CLDN10: variants seen among roughly 807,000 people sequenced by gnomAD.
CLDN10 encodes claudin-10.
CLDN10 carries 15 observed loss-of-function variants against 22.9 expected under a neutral mutation model. The ratio of observed to expected loss-of-function variants is 0.65; its 90% CI spans 0.44 to 1.01. The LOEUF (loss-of-function observed/expected upper bound fraction) is 1.01. Among genes scored for constraint, CLDN10 ranks in the 50% least tolerant of loss-of-function variants. The pLI is 0.00. For missense variants in CLDN10, 247 were observed against 287.8 expected, an observed-to-expected ratio of 0.86 and a Z score of 1.03; for synonymous variants, 114 against 111.4, an observed-to-expected ratio of 1.02 and a Z score of -0.15.
At chr13:95,499,010 A>G (rs907685275) in intron 1 of CLDN10, among the ~76,000 whole-genome samples, 1 of 152,246 alleles carries the variant, frequency 6.6e-6, no homozygotes, top group Non-Finnish European at 1.5e-5. Flanking sequence ...TTCACTTGGC[A>G]TAATGTCTTC....
At chr13:95,477,795 T>C (rs976073557) in intron 1 of CLDN10, among the ~76,000 whole-genome samples, 4 of 152,022 alleles carry the variant, frequency 2.6e-5, no homozygotes, top group African/African-American at 7.3e-5. Flanking sequence ...AGGTAACCCA[T>C]ATGTATCTTA....
chr13:95,526,631 T>G (rs766223778), intron 1 of CLDN10, among the ~76,000 whole-genome samples: 2 of 151,932 alleles, frequency 1.3e-5, no homozygotes, highest in Non-Finnish European at 2.9e-5. Flanking sequence ...CTATTAAAAA[T>G]ACAAAAATTA....
chr13:95,477,810 A>G (rs1458591074), intron 1 of CLDN10, among the ~76,000 whole-genome samples: 1 of 152,162 alleles, frequency 6.6e-6, no homozygotes, highest in Non-Finnish European at 1.5e-5. Context: ...ATCTTAAGCC[A>G]TGATAAGTAC....
chr13:95,503,705 T>G (rs1312620958), intron 1 of CLDN10, among the ~76,000 whole-genome samples: 3 of 152,202 alleles, frequency 2.0e-5, no homozygotes, highest in Non-Finnish European at 2.9e-5. Flanking sequence ...TACATGAATC[T>G]TAAGGATGTA....
At chr13:95,527,835 A>C (rs866055505) in intron 1 of CLDN10, among the ~76,000 whole-genome samples, 1 of 152,236 alleles carries the variant, frequency 6.6e-6, no homozygotes. Flanking sequence ...ATCCAAAGGC[A>C]GAGTGTGTCA....
chr13:95,443,573 T>C (rs1232262421), intron 1 of CLDN10, among the ~76,000 whole-genome samples: 1 of 152,072 alleles, frequency 6.6e-6, no homozygotes, highest in African/African-American at 2.4e-5. Context: ...TCCTGAGTCC[T>C]TGTGATTTTT....
rs1322290526 is a variant in CLDN10, at chr13:95,577,382, T to G, written c.572+44T>G. 2.5e-6 allele frequency: 3 copies of G among 1,202,048 alleles called. No homozygotes were observed. The Admixed American group carries it at 5.1e-5, about 20-fold the overall frequency. 74.5% of individuals were successfully genotyped at this position (1,202,048 alleles called of 1,614,324 possible). On this transcript the variant is annotated intron_variant, in intron 4 of 4. Transcript: ENST00000299339. ...AATGACCTGTTAAAAAGTAGAATGC[T>G]ATCATAAATCATTACATGTGGAACA...
chr13:95,549,201 T>C (rs1474967915), upstream of CLDN10, among the ~76,000 whole-genome samples: 1 of 152,262 alleles, frequency 6.6e-6, no homozygotes, highest in Non-Finnish European at 1.5e-5. Flanking sequence ...GACTAAACTA[T>C]TGTTAACTAA....
intron 1 of CLDN10, among the ~76,000 whole-genome samples, chr13:95,459,920 C>A (rs1007805894): frequency 1.3e-5 from 2 of 152,176 alleles, no homozygotes; most frequent in African/African-American, 4.8e-5. Context: ...TGAATGCATA[C>A]AACTGAATGC....
chr13:95,460,094 T>G (rs1334469741), intron 1 of CLDN10, among the ~76,000 whole-genome samples: 7 of 152,208 alleles, frequency 4.6e-5, no homozygotes, highest in African/African-American at 1.7e-4. Context: ...GTCACCTTTA[T>G]TCCAGTTCCC....
chr13:95,548,698 A>T (rs1461311052), upstream of CLDN10, among the ~76,000 whole-genome samples: 1 of 152,204 alleles, frequency 6.6e-6, no homozygotes, highest in Non-Finnish European at 1.5e-5. Context: ...TACCGGCATT[A>T]ATGTCTTCTT....
Position 95,552,842 on chromosome 13 carries a change from G to A in CLDN10, c.89G>A (p.Trp30Ter). 6.2e-7 allele frequency: 1 copy of A among 1,614,118 alleles called. No homozygotes were observed. The highest frequency in any genetic ancestry group is 8.5e-7 in the Non-Finnish European group (1 of 1,180,006). ...LVSSTLPTDYWKVSTIDGTVI... is the reference protein window; with the variant it reads ...LVSSTLPTDY ...TCCTCCACGCTGCCCACCGACTACT[G>A]GAAGGTGTCTACCATCGACGGCACG... Residue 30 changes from tryptophan (W) to a stop codon, truncating the protein, a stop_gained, in exon 1 of 5, where the codon TGG (tryptophan) becomes TAG (stop). Transcript: ENST00000299339. LOFTEE classifies it high-confidence loss of function.
At chr13:95,556,430 C>T (rs2043640621) in intron 1 of CLDN10, among the ~76,000 whole-genome samples, 2 of 152,132 alleles carry the variant, frequency 1.3e-5, no homozygotes, top group African/African-American at 4.8e-5. Context: ...AAAATGAGGC[C>T]TAGCAAAGCT....
Position 95,570,858 on chromosome 13 carries a change from G to GTGTATATATATATATATATATA in CLDN10, c.465-6372_465-6371insGTATATATATATATATATATAT, listed in dbSNP as rs60359070. ...CACACACACACACACATATACGTGT[G>GTGTATATATATATATATATATA]TATATATATATATATATATATATAT... On this transcript the variant is annotated intron_variant, in intron 3 of 4. Coordinates refer to ENST00000299339, the MANE Select transcript of CLDN10 (RefSeq NM_006984.5). 1.8e-3 allele frequency among the ~76,000 whole-genome samples: 221 copies of GTGTATATATATATATATATATA among 119,598 alleles called. 1 individual carries two copies. The highest frequency in any genetic ancestry group is 2.4e-3 in the Non-Finnish European group (140 of 58,420). 78.5% of individuals were successfully genotyped at this position (119,598 alleles called of 152,430 possible).
chr13:95,522,135 G>C (rs2043230044), intron 1 of CLDN10, among the ~76,000 whole-genome samples: 1 of 151,778 alleles, frequency 6.6e-6, no homozygotes, highest in Non-Finnish European at 1.5e-5. Flanking sequence ...GATGTTCTCT[G>C]TTTCCTGTTT....
At chr13:95,541,326 GA>G (rs1293427514) in intron 1 of CLDN10, among the ~76,000 whole-genome samples, 6 of 152,220 alleles carry the variant, frequency 3.9e-5, no homozygotes, top group African/African-American at 1.4e-4. Flanking sequence ...ATAATTAGGA[GA>G]AACTGGGGCA....
intron 1 of CLDN10, among the ~76,000 whole-genome samples, chr13:95,448,470 G>A (rs1036434742): frequency 6.6e-5 from 10 of 152,122 alleles, no homozygotes; most frequent in African/African-American, 2.4e-4. Flanking sequence ...CATGTCACAC[G>A]CATAGTCATC....
At chr13:95,555,801 C>A (rs2043631998) in intron 1 of CLDN10, among the ~76,000 whole-genome samples, 1 of 152,108 alleles carries the variant, frequency 6.6e-6, no homozygotes, top group African/African-American at 2.4e-5. Context: ...GGGTAGGGGC[C>A]CTCTGTTTGT....
At chr13:95,520,076 G>C (rs541902876) in intron 1 of CLDN10, among the ~76,000 whole-genome samples, 1 of 152,182 alleles carries the variant, frequency 6.6e-6, no homozygotes, top group Admixed American at 6.5e-5. Flanking sequence ...AGATGAACAT[G>C]CGTATGCCTG....
Sources: gnomAD v4.1 joint callset for allele counts (sites outside exome capture counted in the v4.1 genomes callset) on GRCh38, gnomAD v4.1.1 for gene constraint, MANE v1.5 for transcripts, NCBI Gene and HGNC (gene_info 2026-07-23, HGNC 2026-07-21) for gene names.